IFI6: variants seen among roughly 807,000 people sequenced by gnomAD.
The protein encoded by IFI6 is interferon alpha inducible protein 6, also known as interferon alpha-inducible protein 6.
IFI6 carries 10 observed loss-of-function variants against 12.7 expected under a neutral mutation model. The observed-to-expected ratio is 0.79, with a 90% CI of 0.49 to 1.33. The LOEUF (loss-of-function observed/expected upper bound fraction) is 1.33. IFI6 is among the 40% of genes most tolerant of loss of function. IFI6 has a pLI of 0.00. For missense variants in IFI6, 154 were observed against 180.4 expected (o/e 0.85, Z 0.84); for synonymous variants, 89 against 86.2 (o/e 1.03, Z -0.18).
At chr1:27,666,903 G>A (rs971585973) in intron 4 of IFI6, among the ~76,000 whole-genome samples, 6 of 152,078 alleles carry the variant, frequency 3.9e-5, no homozygotes, top group African/African-American at 1.2e-4. Context: ...GTGTGGCCCC[G>A]TCTGAGCAGG....
At chr1:27,668,811 C>T (rs934921227) in intron 2 of IFI6, among the ~76,000 whole-genome samples, 2 of 152,028 alleles carry the variant, frequency 1.3e-5, no homozygotes, top group South Asian at 2.1e-4. Flanking sequence ...TTGGAATGGA[C>T]GCCAGGGTCT....
intron 4 of IFI6, 86 bp from the exon 5 acceptor site, chr1:27,666,561 C>T: frequency 1.1e-6 from 1 of 891,820 alleles, no homozygotes. Flanking sequence ...TTGAGTCCAA[C>T]CCCTTATGTC....
At chr1:27,669,383 T>C (rs1304358561) in intron 1 of IFI6, 37 bp from the exon 2 acceptor site, 16 of 1,302,900 alleles carry the variant, frequency 1.2e-5, no homozygotes, top group Non-Finnish European at 1.3e-5. Flanking sequence ...CCCCGGAGCA[T>C]TTTTGGAGCT....
chr1:27,669,178 C>A, intron 2 of IFI6, 67 bp downstream of exon 2: 1 of 1,495,122 alleles, frequency 6.7e-7, no homozygotes, highest in South Asian at 1.2e-5. Context: ...CTTACCTGCA[C>A]CCTTACTTGC....
chr1:27,668,473 T>C lies in IFI6; in HGVS notation c.133A>G (p.Met45Val), dbSNP rs2090371710. 1 of 1,611,546 alleles carries C rather than the reference T, an allele frequency of 6.2e-7. No individual in the cohort carries two copies. Among genetic ancestry groups the C allele is most frequent in the Non-Finnish European group, 8.5e-7 (1 of 1,179,016 alleles). The change falls in exon 3 of 5, where the codon ATG becomes GTG. Residue 45 changes from methionine (M) to valine (V), a missense_variant. Met to Val is a conservative substitution (Grantham distance 21). Coordinates refer to ENST00000361157, the MANE Select transcript of IFI6 (RefSeq NM_002038.4). ...GSGFWKALTF[M>V]AVGGGLAVAG... Reference sequence around the variant, plus strand: ...CCAGACCCACCTCCTCCGACGGCCATGAAGGTCAGGGCCTTCCAGAACCCG... The same window carrying C: ...CCAGACCCACCTCCTCCGACGGCCACGAAGGTCAGGGCCTTCCAGAACCCG...
Position 27,669,337 on chromosome 1 carries a change from G to A in IFI6, c.-23C>T, listed in dbSNP as rs1353413616. On this transcript the variant is annotated 5_prime_UTR_variant, in exon 2 of 5. The change creates a new upstream start codon in the 5' untranslated region. Transcript: ENST00000361157. ...CATGGTGGCGCCGCGCGCGGGCTCC[G>A]TCACTAGACCTGCGAACGGGCGAGA... 1.3e-6 allele frequency: 2 copies of A among 1,550,434 alleles called. No individual in the cohort carries two copies. The highest frequency in any genetic ancestry group is 1.4e-5 in the African/African-American group (1 of 73,090).
chr1:27,671,452 C>T (rs925902966), intron 1 of IFI6, among the ~76,000 whole-genome samples: 29 of 146,452 alleles, frequency 2.0e-4, no homozygotes, highest in Non-Finnish European at 3.9e-4. Flanking sequence ...GCAATCTCAT[C>T]TCACTGCAAG....
At position 27,668,270 on chromosome 1, in the gene IFI6, C is replaced by T; in HGVS notation, c.254G>A (p.Gly85Asp). Reference protein sequence around the residue: ...LMSWSAILNGGGVPAGGLVAT... With the variant: ...LMSWSAILNGDGVPAGGLVAT... The stretch of plus-strand genomic sequence containing the variant: ...CACTAGCCCCCCGGCGGGCACGCCG[C>T]CCCCATTCAGGATCGCAGACCAGCT... Residue 85 changes from glycine to aspartate, a missense_variant, in exon 4 of 5, where the codon GGC (glycine) becomes GAC (aspartate). By Grantham distance (94) the Gly-to-Asp change is moderately conservative. Transcript: ENST00000361157. The T allele has an allele frequency of 6.3e-7, 1 of 1,580,812 alleles. No homozygotes were observed. The highest frequency in any genetic ancestry group is 8.6e-7 in the Non-Finnish European group (1 of 1,168,154).
At position 27,669,334 on chromosome 1, in the gene IFI6, T is replaced by A. The variant is rs1557756580; in HGVS notation, c.-20A>T. On this transcript the variant is annotated 5_prime_UTR_variant, in exon 2 of 5. Coordinates refer to ENST00000361157, the MANE Select transcript of IFI6 (RefSeq NM_002038.4). ...CCGCATGGTGGCGCCGCGCGCGGGC[T>A]CCGTCACTAGACCTGCGAACGGGCG... 4.5e-6 allele frequency: 7 copies of A among 1,551,512 alleles called. No homozygotes were observed. Among genetic ancestry groups the A allele is most frequent in the Non-Finnish European group, 6.1e-6 (7 of 1,146,482 alleles).
At chr1:27,667,744 C>G (rs1304021595) in intron 4 of IFI6, among the ~76,000 whole-genome samples, 3 of 152,138 alleles carry the variant, frequency 2.0e-5, no homozygotes, top group Non-Finnish European at 4.4e-5. Flanking sequence ...AATCTAGGCT[C>G]TGGTCTAAAC....
chr1:27,666,318 A>T lies in IFI6; in HGVS notation c.*63T>A. 5.2e-6 allele frequency: 4 copies of T among 775,952 alleles called. No homozygotes were observed. The highest frequency in any genetic ancestry group is 1.7e-5 in the South Asian group (1 of 59,494). The allele number at this position is 775,952 out of a possible 1,614,324, so 48.1% of individuals were successfully genotyped here. A position where few individuals can be genotyped will look rare whatever the true frequency, so the allele number is the denominator to read the frequency against. On this transcript the variant is annotated 3_prime_UTR_variant, in exon 5 of 5. Transcript: ENST00000361157. Reference sequence around the variant, plus strand: ...AAAAAAAAAAAAAAAAAAAAGGCAAAGTTCTAGATCCTAACTGGAAGAGTT... The same window carrying T: ...AAAAAAAAAAAAAAAAAAAAGGCAATGTTCTAGATCCTAACTGGAAGAGTT...
intron 2 of IFI6, among the ~76,000 whole-genome samples, chr1:27,668,757 G>A (rs1302107918): frequency 6.6e-6 from 1 of 152,060 alleles, no homozygotes; most frequent in Non-Finnish European, 1.5e-5. Flanking sequence ...AGAGTAGTGG[G>A]ATTTGAATCT....
At position 27,666,128 on chromosome 1, in the gene IFI6, TTC is replaced by T; in HGVS notation, c.*251_*252del. 1 of 377,996 alleles carries T rather than the reference TTC, an allele frequency of 2.6e-6. No individual in the cohort carries two copies. Among genetic ancestry groups the T allele is most frequent in the Non-Finnish European group, 4.8e-6 (1 of 208,772 alleles). 23.4% of individuals were successfully genotyped at this position (377,996 alleles called of 1,614,324 possible). On this transcript the variant is annotated 3_prime_UTR_variant, in exon 5 of 5. Transcript: ENST00000361157. ...TTGTTGGGGAGAGTGATAGACAAAG[TTC>T]TGGATTCTGGGCATCGTCGGCGCAT...
At position 27,669,302 on chromosome 1, in the gene IFI6, C is replaced by T. The variant is rs1030121787; in HGVS notation, c.13G>A (p.Ala5Thr). The T allele has an allele frequency of 1.3e-6, 2 of 1,552,632 alleles. No homozygotes were observed. The highest frequency in any genetic ancestry group is 3.9e-5 in the Admixed American group (2 of 51,164). ...AGGTAGCACAAGAAAAGCGATACCG[C>T]CTTCTGCCGCATGGTGGCGCCGCGC... MRQK[A>T]VSLFLCYLLL... Residue 5 changes from alanine (A) to threonine (T), a missense_variant, in exon 2 of 5, where the codon GCG becomes ACG. Physicochemically the swap from Ala to Thr is moderately conservative, Grantham distance 58 (BLOSUM62 0). Coordinates refer to ENST00000361157, the MANE Select transcript of IFI6 (RefSeq NM_002038.4).
intron 2 of IFI6, among the ~76,000 whole-genome samples, chr1:27,668,895 C>T (rs2090378149): frequency 6.6e-6 from 1 of 152,020 alleles, no homozygotes; most frequent in Non-Finnish European, 1.5e-5. Context: ...CCTCCCATCC[C>T]CCAGCACCCT....
rs959210388 is a variant in IFI6, at chr1:27,666,576, T to G, written c.299-101A>C. ...TTGAGTCCAACCCCTTATGTCTAGA[T>G]GGAGAAACAGAGGCCCTGAGAGGGG... On this transcript the variant is annotated intron_variant, in intron 4 of 4. Coordinates refer to ENST00000361157, the MANE Select transcript of IFI6 (RefSeq NM_002038.4). 8 of 766,184 alleles carry G rather than the reference T, an allele frequency of 1.0e-5. No individual in the cohort carries two copies. Among genetic ancestry groups the G allele is most frequent in the Non-Finnish European group, 1.7e-5 (8 of 462,496 alleles). The allele number at this position is 766,184 out of a possible 1,614,324, so 47.5% of individuals were successfully genotyped here.
chr1:27,669,249 C>A lies in IFI6; in HGVS notation c.66G>T (p.Glu22Asp), dbSNP rs1321139013. ...YLLLFTCSGV[E>D]AGKKKCSESS... Reference sequence around the variant, plus strand: ...CATCCTTACCCGCATTCTCACCTGCCTCCACCCCACTGCAAGTGAAGAGCA... The same window carrying A: ...CATCCTTACCCGCATTCTCACCTGCATCCACCCCACTGCAAGTGAAGAGCA... Residue 22 changes from glutamate (E) to aspartate (D), a missense_variant, in exon 2 of 5, where the codon GAG becomes GAT. Transcript: ENST00000361157. The A allele has an allele frequency of 6.4e-7, 1 of 1,551,956 alleles. No individual in the cohort carries two copies.
chr1:27,668,651 C>G (rs2148544453), intron 2 of IFI6, 116 bp from the exon 3 acceptor site: 1 of 759,110 alleles, frequency 1.3e-6, no homozygotes, highest in Non-Finnish European at 2.2e-6. Context: ...CTCTCCTACT[C>G]AGAGAGCCTC....
chr1:27,669,103 G>C (rs2090382988), intron 2 of IFI6, 142 bp downstream of exon 2: 6 of 966,218 alleles, frequency 6.2e-6, no homozygotes, highest in Non-Finnish European at 9.7e-6. Context: ...ACCCTTACCT[G>C]CATCCTTACC....
Sources: gnomAD v4.1 joint callset for allele counts (sites outside exome capture counted in the v4.1 genomes callset) on GRCh38, gnomAD v4.1.1 for gene constraint, MANE v1.5 for transcripts, NCBI Gene and HGNC (gene_info 2026-07-23, HGNC 2026-07-21) for gene names.